The following MUC5B variants were observed in gnomAD, a reference collection of about 807,000 sequenced individuals.
The protein encoded by MUC5B is mucin 5B, oligomeric mucus/gel-forming.
A neutral mutation model predicts 376.9 loss-of-function variants in MUC5B; 116 were observed. The ratio of observed to expected loss-of-function variants is 0.31; its 90% CI spans 0.26 to 0.36. The LOEUF (loss-of-function observed/expected upper bound fraction) is 0.36. Ranked by LOEUF, MUC5B falls within the 10% of genes least tolerant of loss-of-function variation. MUC5B has a pLI of 1.00. For missense variants in MUC5B, 7,165 were observed against 7,769.9 expected, an observed-to-expected ratio of 0.92 and a Z score of 2.93; for synonymous variants, 3,517 against 3,390.9, an observed-to-expected ratio of 1.04 and a Z score of -1.29.
In MUC5B at chr11:1,239,422, G is replaced by T; in HGVS notation, c.3455-16G>T. On this transcript the variant is annotated splice_polypyrimidine_tract_variant and intron_variant, in intron 26 of 48. Transcript: ENST00000529681. ...GCTGGTGGGCGCCTCCTTAGCCTCTGCCCTCTGTGCCCCAGCCTTGTTCTG... is the reference window on the plus strand; with the variant it reads ...GCTGGTGGGCGCCTCCTTAGCCTCTTCCCTCTGTGCCCCAGCCTTGTTCTG... 1 of 1,603,352 alleles carries T rather than the reference G, an allele frequency of 6.2e-7. No individual in the cohort carries two copies. Among genetic ancestry groups the T allele is most frequent in the South Asian group, 1.1e-5 (1 of 89,824 alleles).
intron 12 of MUC5B, 91 bp from the exon 13 acceptor site, chr11:1,230,845 A>C: frequency 6.9e-7 from 1 of 1,449,184 alleles, no homozygotes; most frequent in Non-Finnish European, 9.5e-7. Flanking sequence ...CTCTGTCCCC[A>C]GTGGGGGCCC....
Position 1,249,171 on chromosome 11 carries a change from G to A in MUC5B, c.12291G>A (p.Thr4097=), listed in dbSNP as rs201512746. 22,996 of 1,493,026 alleles carry A rather than the reference G, an allele frequency of 0.015. 15 individuals carry two copies. The highest frequency in any genetic ancestry group is 0.066 in the African/African-American group (4,609 of 69,324). The allele number at this position is 1,493,026 out of a possible 1,614,324, so 92.5% of individuals were successfully genotyped here. ...PGHTTATSRT[T]ATATPSKTRT... ...ACACCACGGCCACCTCCAGGACCACGGCCACGGCCACACCCAGCAAGACCC... is the reference window on the plus strand; with the variant it reads ...ACACCACGGCCACCTCCAGGACCACAGCCACGGCCACACCCAGCAAGACCC... The change falls in exon 31 of 49, where the codon ACG becomes ACA. Residue 4097 remains threonine, a synonymous_variant. Coordinates refer to ENST00000529681, the MANE Select transcript of MUC5B (RefSeq NM_002458.3).
intron 3 of MUC5B, 131 bp downstream of exon 3, chr11:1,226,407 G>C: frequency 7.6e-7 from 1 of 1,313,944 alleles, no homozygotes; most frequent in South Asian, 1.3e-5. Context: ...CCGTGTGGGC[G>C]GTCTCCTGGT....
Position 1,243,295 on chromosome 11 carries a change from A to G in MUC5B, c.6415A>G (p.Thr2139Ala), listed in dbSNP as rs1862343898. 24 of 1,556,834 alleles carry G rather than the reference A, an allele frequency of 1.5e-5. No homozygotes were observed. Among genetic ancestry groups the G allele is most frequent in the Non-Finnish European group, 2.1e-5 (24 of 1,150,420 alleles). The change falls in exon 31 of 49, where the codon ACG (threonine) becomes GCG (alanine). Residue 2139 changes from threonine to alanine, a missense_variant. Thr to Ala is a moderately conservative substitution (Grantham distance 58). This residue lies in a region of MUC5B where 897 missense variants were observed against 779.6 expected (regional missense o/e 1.15). Coordinates refer to ENST00000529681, the MANE Select transcript of MUC5B (RefSeq NM_002458.3). Reference sequence around the variant, plus strand: ...CCCATCACTGACCACCACGGCCACTACGATCACGGCCACCGGCTCCACCAC... The same window carrying G: ...CCCATCACTGACCACCACGGCCACTGCGATCACGGCCACCGGCTCCACCAC... Reference protein sequence around the residue: ...TPPSLTTTATTITATGSTTNP... With the variant: ...TPPSLTTTATAITATGSTTNP...
intron 3 of MUC5B, 144 bp from the exon 4 acceptor site, chr11:1,226,471 C>A: frequency 7.6e-7 from 1 of 1,317,186 alleles, no homozygotes; most frequent in Non-Finnish European, 1.0e-6. Flanking sequence ...GCAAAACAGA[C>A]GCAGTCCAGG....
chr11:1,229,891 G>T, intron 10 of MUC5B, 84 bp downstream of exon 10: 6 of 1,543,560 alleles, frequency 3.9e-6, no homozygotes, highest in South Asian at 1.2e-5. Flanking sequence ...TGCCTGGGGT[G>T]GGGGTGTGGA....
At chr11:1,239,626 G>A (rs547157880) in intron 27 of MUC5B, 60 bp downstream of exon 27, 58 of 1,524,378 alleles carry the variant, frequency 3.8e-5, no homozygotes, top group Admixed American at 1.2e-4. Context: ...GTGTACGTGG[G>A]GGGGCGGGGA....
At chr11:1,226,565 C>T (rs1319185130) in intron 3 of MUC5B, 50 bp from the exon 4 acceptor site, 4 of 1,568,048 alleles carry the variant, frequency 2.6e-6, no homozygotes, top group South Asian at 2.3e-5. Context: ...GGGGAGGCTA[C>T]CCCGTGGGGG....
chr11:1,242,957 C>T lies in MUC5B; in HGVS notation c.6077C>T (p.Thr2026Met), dbSNP rs192961952. 8,027 of 1,613,364 alleles carry T rather than the reference C, an allele frequency of 5.0e-3. 40 individuals are homozygous for T. The highest frequency in any genetic ancestry group is 6.3e-3 in the Non-Finnish European group (7,453 of 1,179,482). The change falls in exon 31 of 49, where the codon ACG (threonine) becomes ATG (methionine). Residue 2026 changes from threonine (T) to methionine (M), a missense_variant. Around this residue, in one of 31 missense-constraint regions of MUC5B, gnomAD observed 897 missense variants for 779.6 expected, o/e 1.15. Transcript: ENST00000529681. ...CACACCTCCACAGTGCTTACCGCCA[C>T]GGCCACCACAACTGGGGCCACCGGC... ...TAHTSTVLTA[T>M]ATTTGATGSV...
At chr11:1,225,051 G>A (rs55690040) in intron 1 of MUC5B, among the ~76,000 whole-genome samples, 132 of 152,338 alleles carry the variant, frequency 8.7e-4, no homozygotes, top group African/African-American at 3.1e-3. Context: ...TTGCCCGGAG[G>A]CGGTGGTCAG....
chr11:1,228,388 C>A (rs1451275358), intron 7 of MUC5B, 176 bp from the exon 8 acceptor site: 6 of 611,514 alleles, frequency 9.8e-6, no homozygotes, highest in Non-Finnish European at 1.6e-5. Context: ...GGGTCACTCC[C>A]CAAGGGCCAA....
chr11:1,250,937 C>G lies in MUC5B; in HGVS notation c.14057C>G (p.Thr4686Arg), dbSNP rs4963058. 2 of 1,604,660 alleles carry G rather than the reference C, an allele frequency of 1.2e-6. No individual in the cohort carries two copies. Reference protein sequence around the residue: ...TPPSLTTTATTITATGSTTNP... With the variant: ...TPPSLTTTATRITATGSTTNP... Reference sequence around the variant, plus strand: ...CCATCACTGACCACCACGGCCACTACGATCACGGCCACCGGCTCCACCACC... The same window carrying G: ...CCATCACTGACCACCACGGCCACTAGGATCACGGCCACCGGCTCCACCACC... Residue 4686 changes from threonine (T) to arginine (R), a missense_variant, in exon 31 of 49, where the codon ACG becomes AGG. Transcript: ENST00000529681.
At chr11:1,226,977 TG>T in intron 4 of MUC5B, 53 bp from the exon 5 acceptor site, 1 of 743,610 alleles carries the variant, frequency 1.3e-6, no homozygotes, top group Non-Finnish European at 2.2e-6. Context: ...GGGGGTTGGG[TG>T]GGCAGGCAGC....
In MUC5B at chr11:1,234,339, G is replaced by GT; in HGVS notation, c.2478+34_2478+35insT. 3 of 825,020 alleles carry GT rather than the reference G, an allele frequency of 3.6e-6. No homozygotes were observed. Among genetic ancestry groups the GT allele is most frequent in the Non-Finnish European group, 6.0e-6 (3 of 497,816 alleles). 51.1% of individuals were successfully genotyped at this position (825,020 alleles called of 1,614,324 possible). A position where few individuals can be genotyped will look rare whatever the true frequency, so the allele number is the denominator to read the frequency against. ...CATGCTTCAGGGAGGGGTGGGCAGG[G>GT]AAGGGGTCCCAGCTTTCCCAGCTCC... On this transcript the variant is annotated intron_variant, in intron 20 of 48. Coordinates refer to ENST00000529681, the MANE Select transcript of MUC5B (RefSeq NM_002458.3). The surrounding 1 kb of genome is among the most constrained non-coding windows in gnomAD (Gnocchi z 6.3).
chr11:1,252,346 A>T lies in MUC5B; in HGVS notation c.14867A>T (p.Glu4956Val). Residue 4956 changes from glutamate to valine, a missense_variant, in exon 32 of 49, where the codon GAA becomes GTA. Physicochemically the swap from Glu to Val is moderately radical, Grantham distance 121. Coordinates refer to ENST00000529681, the MANE Select transcript of MUC5B (RefSeq NM_002458.3). ...TCTATGGTGTTGTTCTTCACAGGGG[A>T]AGTCATCTACAATAAGACCGACCGA... ...RAFGQFFSPG[E>V]VIYNKTDRAG... 6.5e-7 allele frequency: 1 copy of T among 1,547,652 alleles called. No individual in the cohort carries two copies. The highest frequency in any genetic ancestry group is 2.3e-5 in the East Asian group (1 of 43,792).
chr11:1,229,029 G>A, intron 8 of MUC5B, 141 bp from the exon 9 acceptor site: 1 of 1,034,990 alleles, frequency 9.7e-7, no homozygotes, highest in South Asian at 1.7e-5. Context: ...CCACGATGAG[G>A]GGCGTCAGGG....
At position 1,226,695 on chromosome 11, in the gene MUC5B, C is replaced by T. The variant is rs559689592; in HGVS notation, c.280C>T (p.Arg94Cys). The T allele has an allele frequency of 1.1e-5, 17 of 1,612,608 alleles. No individual in the cohort carries two copies. The East Asian group carries it at 1.6e-4, about 15-fold the overall frequency. Residue 94 changes from arginine (R) to cysteine (C), a missense_variant, in exon 4 of 49, where the codon CGC (arginine) becomes TGC (cysteine). Arg to Cys is a radical substitution (Grantham distance 180). This residue lies in a region of MUC5B where 640 missense variants were observed against 733.0 expected (regional missense o/e 0.87). Coordinates refer to ENST00000529681, the MANE Select transcript of MUC5B (RefSeq NM_002458.3). Reference sequence around the variant, plus strand: ...CAAGACCTTCGACGGCGACGTCTTCCGCTTCCCTGGCCTTTGCAACTACGT... The same window carrying T: ...CAAGACCTTCGACGGCGACGTCTTCTGCTTCCCTGGCCTTTGCAACTACGT... ...HYKTFDGDVF[R>C]FPGLCNYVFS...
chr11:1,236,392 G>T lies in MUC5B; in HGVS notation c.2887G>T (p.Glu963Ter). 1 of 1,608,914 alleles carries T rather than the reference G, an allele frequency of 6.2e-7. No individual in the cohort carries two copies. Among genetic ancestry groups the T allele is most frequent in the South Asian group, 1.1e-5 (1 of 90,866 alleles). Residue 963 changes from glutamate to a stop codon, truncating the protein, a stop_gained, in exon 24 of 49, where the codon GAG becomes TAG. Coordinates refer to ENST00000529681, the MANE Select transcript of MUC5B (RefSeq NM_002458.3). LOFTEE classifies it high-confidence loss of function. Reference protein sequence around the residue: ...KAIKLFVESYELILQEGTFKA... With the variant: ...KAIKLFVESY Reference sequence around the variant, plus strand: ...GCGTCTGCCTCCCCTGCAGAGCTACGAGCTGATCCTCCAAGAGGGGACCTT... The same window carrying T: ...GCGTCTGCCTCCCCTGCAGAGCTACTAGCTGATCCTCCAAGAGGGGACCTT...
At position 1,227,357 on chromosome 11, in the gene MUC5B, A is replaced by ACTTCAACGGCCTCCCGGC. The variant is rs746522058; in HGVS notation, c.635_652dup (p.Gly212_Asn217dup). ...AACCAGACCTGTGGCCTGTGTGGGG[A>ACTTCAACGGCCTCCCGGC]CTTCAACGGCCTCCCGGCCTTCAAC... On this transcript the variant is annotated inframe_insertion, in exon 6 of 49. Coordinates refer to ENST00000529681, the MANE Select transcript of MUC5B (RefSeq NM_002458.3). The ACTTCAACGGCCTCCCGGC allele has an allele frequency of 4.3e-6, 7 of 1,612,686 alleles. No homozygotes were observed.
Sources: allele counts gnomAD v4.1 joint callset (sites outside exome capture counted in the v4.1 genomes callset), GRCh38; gene constraint gnomAD v4.1.1; regional missense constraint gnomAD v4.1.1; non-coding constraint Gnocchi (gnomAD v3.1); transcripts MANE v1.5; gene names NCBI Gene and HGNC (gene_info 2026-07-23, HGNC 2026-07-21).